MYOM1: variants seen among roughly 807,000 people sequenced by gnomAD.
MYOM1 encodes myomesin 1.
Under a neutral mutation model 205.3 loss-of-function variants are expected in MYOM1, and 164 were observed. The observed-to-expected ratio is 0.80, with a 90% CI of 0.70 to 0.91. MYOM1 has a LOEUF of 0.91. Among genes scored for constraint, MYOM1 ranks in the 40% least tolerant of loss-of-function variants. The pLI, the probability that MYOM1 is intolerant of heterozygous loss-of-function variation, is 0.00. For synonymous variants in MYOM1, 772 were observed against 789.4 expected, an observed-to-expected ratio of 0.98 and a Z score of 0.37; for missense variants, 2,011 against 2,127.3, an observed-to-expected ratio of 0.95 and a Z score of 1.08.
At chr18:3,171,628 TG>T (rs2080559130) in intron 8 of MYOM1, among the ~76,000 whole-genome samples, 1 of 152,042 alleles carries the variant, frequency 6.6e-6, no homozygotes, top group African/African-American at 2.4e-5. Flanking sequence ...GGCAAGTCTG[TG>T]GGGCAAATCT....
chr18:3,121,359 C>T (rs900757025), intron 19 of MYOM1, among the ~76,000 whole-genome samples: 79 of 152,102 alleles, frequency 5.2e-4, no homozygotes, highest in African/African-American at 1.8e-3. Context: ...TATAGCACAC[C>T]AAAGATAAAG....
the MYOM1 span, among the ~76,000 whole-genome samples, chr18:3,234,475 G>A: frequency 6.6e-6 from 1 of 152,166 alleles, no homozygotes; most frequent in East Asian, 1.9e-4. Context: ...AATTAATTTT[G>A]TGACCCCCTA....
chr18:3,115,972 C>T (rs1217777977), intron 21 of MYOM1, among the ~76,000 whole-genome samples: 1 of 151,960 alleles, frequency 6.6e-6, no homozygotes. Flanking sequence ...AATCAACCAT[C>T]CCCCTAGAAA....
intron 2 of MYOM1, among the ~76,000 whole-genome samples, chr18:3,197,837 C>T (rs577196299): frequency 6.6e-6 from 1 of 152,248 alleles, no homozygotes; most frequent in East Asian, 1.9e-4. Context: ...CGCACCACTG[C>T]ACTCTGGCCT....
chr18:3,147,906 AG>A (rs1185251591), intron 13 of MYOM1, among the ~76,000 whole-genome samples: 1 of 152,148 alleles, frequency 6.6e-6, no homozygotes, highest in Non-Finnish European at 1.5e-5. Context: ...TAACATTTCC[AG>A]GGGGAAAAAA....
At chr18:3,094,061 C>A in intron 26 of MYOM1, 109 bp downstream of exon 26, 1 of 1,098,146 alleles carries the variant, frequency 9.1e-7, no homozygotes, top group Non-Finnish European at 1.3e-6. Context: ...TTAAACTCTC[C>A]CACTCCACCA....
chr18:3,091,015 A>G (rs1412073798), intron 26 of MYOM1, among the ~76,000 whole-genome samples: 2 of 152,056 alleles, frequency 1.3e-5, no homozygotes, highest in Non-Finnish European at 2.9e-5. Context: ...GACCTTGTCT[A>G]TATAAAAATA....
intron 6 of MYOM1, among the ~76,000 whole-genome samples, chr18:3,174,651 G>A (rs1460233983): frequency 6.6e-6 from 1 of 152,190 alleles, no homozygotes; most frequent in East Asian, 1.9e-4. Flanking sequence ...CTTTCCTGCT[G>A]TCCTGCCCTT....
At chr18:3,201,456 G>A (rs115640660) in intron 2 of MYOM1, among the ~76,000 whole-genome samples, 1,700 of 151,640 alleles carry the variant, frequency 0.011, 42 homozygotes, top group African/African-American at 0.039. Flanking sequence ...AAACCCACAC[G>A]AAAAGATGGA....
chr18:3,181,582 C>T (rs1232267597), intron 5 of MYOM1, among the ~76,000 whole-genome samples: 1 of 152,032 alleles, frequency 6.6e-6, no homozygotes, highest in East Asian at 1.9e-4. Context: ...ATGAAATTTA[C>T]AAACCCTCAT....
intron 19 of MYOM1, among the ~76,000 whole-genome samples, chr18:3,123,674 C>CT (rs2079732698): frequency 6.8e-6 from 1 of 146,376 alleles, no homozygotes; most frequent in African/African-American, 2.6e-5. Context: ...ATTATTATTA[C>CT]TATTTTTTTT....
intron 22 of MYOM1, among the ~76,000 whole-genome samples, chr18:3,105,360 C>T (rs2079439216): frequency 6.6e-6 from 1 of 152,070 alleles, no homozygotes; most frequent in African/African-American, 2.4e-5. Flanking sequence ...ATACTGCATC[C>T]AAGAAGGATG....
chr18:3,213,442 TAAATA>T (rs1031930998), intron 2 of MYOM1, among the ~76,000 whole-genome samples: 8 of 152,220 alleles, frequency 5.3e-5, no homozygotes, highest in Admixed American at 1.3e-4. Context: ...AGATAGATTT[TAAATA>T]AAAGTCACGT....
At chr18:3,204,241 T>C (rs1418071835) in intron 2 of MYOM1, among the ~76,000 whole-genome samples, 2 of 151,996 alleles carry the variant, frequency 1.3e-5, no homozygotes, top group Non-Finnish European at 2.9e-5. Context: ...TAGTGGAGGT[T>C]CTAGTCTGGG....
At chr18:3,093,563 A>G (rs2079256329) in intron 26 of MYOM1, 1 of 152,120 alleles carries the variant, frequency 6.6e-6, no homozygotes, top group African/African-American at 2.4e-5. Context: ...TCAAAAAGCC[A>G]TAAGAAGTGT....
chr18:3,168,680 A>G, intron 9 of MYOM1, 137 bp downstream of exon 9: 1 of 750,766 alleles, frequency 1.3e-6, no homozygotes, highest in Non-Finnish European at 2.1e-6. Context: ...ACTTTGCTAC[A>G]CATGTGAAAA....
intron 5 of MYOM1, among the ~76,000 whole-genome samples, chr18:3,178,158 GCA>G (rs1205965845): frequency 6.6e-6 from 1 of 152,224 alleles, no homozygotes; most frequent in Non-Finnish European, 1.5e-5. Flanking sequence ...CACTTCGCAC[GCA>G]CAGATGACGT....
chr18:3,164,028 A>ATT (rs35202568), intron 10 of MYOM1, among the ~76,000 whole-genome samples: 9 of 150,236 alleles, frequency 6.0e-5, no homozygotes, highest in South Asian at 2.1e-4. Flanking sequence ...AATCAAAAAA[A>ATT]TTTTTTTTTG....
In MYOM1 at chr18:3,100,172, T is replaced by C; in HGVS notation, c.3714A>G (p.Glu1238=). 6.2e-7 allele frequency: 1 copy of C among 1,613,930 alleles called. No individual in the cohort carries two copies. Among genetic ancestry groups the C allele is most frequent in the Non-Finnish European group, 8.5e-7 (1 of 1,179,880 alleles). ...ELKRLLALSH[E]HKFPTVPVKS... is the part of the protein sequence containing the mutation. ...GTGGATACTTACTTGGGAACTTGTG[T>C]TCATGGCTGAGAGCAAGTAAACGTT... is the stretch of plus-strand genomic sequence containing the variant. Residue 1238 remains glutamate, a synonymous_variant, in exon 25 of 38, where the codon GAA becomes GAG. Coordinates refer to ENST00000356443, the MANE Select transcript of MYOM1 (RefSeq NM_003803.4).
Sources: allele counts gnomAD v4.1 joint callset (sites outside exome capture counted in the v4.1 genomes callset), GRCh38; gene constraint gnomAD v4.1.1; transcripts MANE v1.5; gene names NCBI Gene and HGNC (gene_info 2026-07-23, HGNC 2026-07-21).